SWAP70: variants seen among roughly 807,000 people sequenced by gnomAD.
SWAP70 encodes switching B cell complex subunit SWAP70.
SWAP70 carries 34 observed loss-of-function variants against 80.2 expected under a neutral mutation model. The ratio of observed to expected loss-of-function variants is 0.42; its 90% confidence interval spans 0.32 to 0.56. SWAP70 has a LOEUF of 0.56. Among genes scored for constraint, SWAP70 ranks in the 20% least tolerant of loss-of-function variants. The pLI, the probability that SWAP70 is intolerant of heterozygous loss-of-function variation, is 0.09. For missense variants in SWAP70, 578 were observed against 690.7 expected, an observed-to-expected ratio of 0.84 and a Z score of 1.83; for synonymous variants, 239 against 238.5, an observed-to-expected ratio of 1.00 and a Z score of -0.02.
chr11:9,725,567 A>ATTTTTTTT (rs1158096816), intron 4 of SWAP70, among the ~76,000 whole-genome samples: 1 of 17,308 alleles, frequency 5.8e-5, no homozygotes, highest in African/African-American at 2.5e-4. Context: ...ATATATATAT[A>ATTTTTTTT]TATTTTTTTT....
intron 1 of SWAP70, among the ~76,000 whole-genome samples, chr11:9,666,364 G>T (rs1850307308): frequency 6.6e-6 from 1 of 152,074 alleles, no homozygotes; most frequent in African/African-American, 2.4e-5. Context: ...AGGATTACAA[G>T]TGTGACCCAC....
intron 2 of SWAP70, among the ~76,000 whole-genome samples, chr11:9,697,315 T>C (rs968831229): frequency 2.6e-5 from 4 of 151,442 alleles, no homozygotes; most frequent in African/African-American, 9.7e-5. Context: ...TTTTTTTTGC[T>C]CTTGTTTCCC....
In SWAP70 at chr11:9,752,265, A is replaced by AACATGTAT. The variant is rs1331766257; in HGVS notation, c.*2295_*2296insACATGTAT. The AACATGTAT allele has an allele frequency of 6.6e-6, 1 of 152,246 alleles. No homozygotes were observed. The highest frequency in any genetic ancestry group is 1.5e-5 in the Non-Finnish European group (1 of 68,048). The allele number at this position is 152,246 out of a possible 1,614,324, so 9.4% of individuals were successfully genotyped here. On this transcript the variant is annotated 3_prime_UTR_variant, in exon 12 of 12. Coordinates refer to ENST00000318950, the MANE Select transcript of SWAP70 (RefSeq NM_015055.4). ...CTGGCTTATTCCACAGCTGTAGCTG[A>AACATGTAT]TAACATGACCTGGGGCTTAGCTGCT...
At chr11:9,707,629 C>T (rs1213132675) in intron 2 of SWAP70, among the ~76,000 whole-genome samples, 1 of 147,894 alleles carries the variant, frequency 6.8e-6, no homozygotes, top group Non-Finnish European at 1.5e-5. Context: ...GATCTTGGCT[C>T]ACTGTAGCCT....
intron 9 of SWAP70, among the ~76,000 whole-genome samples, chr11:9,743,411 A>G (rs1458318137): frequency 6.6e-6 from 1 of 151,964 alleles, no homozygotes; most frequent in Non-Finnish European, 1.5e-5. Context: ...TTGGGTATAT[A>G]CCCAGTAATG....
intron 1 of SWAP70, among the ~76,000 whole-genome samples, chr11:9,665,560 G>A (rs1014676712): frequency 6.6e-6 from 1 of 151,994 alleles, no homozygotes; most frequent in Non-Finnish European, 1.5e-5. Context: ...CCCAACTGTC[G>A]GCAACCATTG....
At chr11:9,664,811 C>T (rs1192144929) in intron 1 of SWAP70, among the ~76,000 whole-genome samples, 4 of 152,210 alleles carry the variant, frequency 2.6e-5, no homozygotes, top group Non-Finnish European at 5.9e-5. Context: ...CGAAGCCCGG[C>T]CTCCAGGGTC....
At chr11:9,709,551 C>G (rs1565122940) in intron 2 of SWAP70, among the ~76,000 whole-genome samples, 1 of 152,088 alleles carries the variant, frequency 6.6e-6, no homozygotes, top group Non-Finnish European at 1.5e-5. Context: ...GAGACAGAAT[C>G]TCTCACTTTG....
chr11:9,680,511 G>T (rs991515471), intron 1 of SWAP70, among the ~76,000 whole-genome samples: 1 of 152,048 alleles, frequency 6.6e-6, no homozygotes, highest in East Asian at 1.9e-4. Context: ...CGCCTCCTGG[G>T]TTCAAGTGAT....
At chr11:9,740,653 A>G (rs1851424647) in intron 9 of SWAP70, 2 of 391,500 alleles carry the variant, frequency 5.1e-6, no homozygotes, top group South Asian at 2.2e-5. Context: ...ACCCAGAATT[A>G]CCTCTGATAA....
chr11:9,675,284 A>G (rs938507360), intron 1 of SWAP70, among the ~76,000 whole-genome samples: 4 of 149,806 alleles, frequency 2.7e-5, no homozygotes, highest in African/African-American at 9.8e-5. Flanking sequence ...GAGACCCTGT[A>G]TCCAAAGAAA....
At chr11:9,692,214 T>G (rs960910700) in intron 1 of SWAP70, among the ~76,000 whole-genome samples, 3 of 16,250 alleles carry the variant, frequency 1.8e-4, no homozygotes, top group African/African-American at 4.8e-4. Context: ...GCTGGCCACT[T>G]AAAATATATA....
intron 3 of SWAP70, chr11:9,719,931 AT>A (rs892787729): frequency 4.1e-5 from 10 of 243,386 alleles, no homozygotes; most frequent in Admixed American, 6.5e-5. Context: ...TAGAGAAAGC[AT>A]TTTTAATAAA....
chr11:9,686,716 A>G (rs1850638027), intron 1 of SWAP70, among the ~76,000 whole-genome samples: 1 of 152,096 alleles, frequency 6.6e-6, no homozygotes, highest in African/African-American at 2.4e-5. Flanking sequence ...TACAGACACC[A>G]TCCTTTATAA....
chr11:9,715,133 C>T (rs993783620), intron 3 of SWAP70, among the ~76,000 whole-genome samples: 1 of 151,952 alleles, frequency 6.6e-6, no homozygotes, highest in Non-Finnish European at 1.5e-5. Flanking sequence ...CATCACCACA[C>T]TCAGCTAATT....
chr11:9,706,747 A>T (rs1329857207), intron 2 of SWAP70, among the ~76,000 whole-genome samples: 1 of 152,122 alleles, frequency 6.6e-6, no homozygotes, highest in Non-Finnish European at 1.5e-5. Flanking sequence ...TTCACTGGAC[A>T]TTATATAATT....
chr11:9,749,693 C>T (rs1851560403), intron 11 of SWAP70, among the ~76,000 whole-genome samples, 171 bp from the exon 12 acceptor site: 1 of 152,172 alleles, frequency 6.6e-6, no homozygotes, highest in East Asian at 1.9e-4. Context: ...TAAGAGGGCC[C>T]AGTTAATCCC....
intron 1 of SWAP70, among the ~76,000 whole-genome samples, chr11:9,674,209 G>C (rs1590010024): frequency 6.6e-6 from 1 of 152,064 alleles, no homozygotes; most frequent in Admixed American, 6.5e-5. Flanking sequence ...CTGAGATTCT[G>C]TTTTCTGAGA....
chr11:9,716,391 G>A (rs1851066641), intron 3 of SWAP70, among the ~76,000 whole-genome samples: 4 of 152,150 alleles, frequency 2.6e-5, no homozygotes, highest in Admixed American at 2.6e-4. Flanking sequence ...TCAGGCCTGG[G>A]CAACTGGGGA....
Sources: allele counts gnomAD v4.1 joint callset (sites outside exome capture counted in the v4.1 genomes callset), GRCh38; gene constraint gnomAD v4.1.1; transcripts MANE v1.5; gene names NCBI Gene and HGNC (gene_info 2026-07-23, HGNC 2026-07-21).